DGKI: variants seen among roughly 807,000 people sequenced by gnomAD.
DGKI encodes the protein DAG kinase iota.
A neutral mutation model predicts 147.5 loss-of-function variants in DGKI; 55 were observed. That is an observed-to-expected ratio of 0.37 (90% CI 0.30 to 0.47). The LOEUF (loss-of-function observed/expected upper bound fraction) is 0.47, where lower values mean the gene tolerates loss of function less well. Among genes scored for constraint, DGKI ranks in the 20% least tolerant of loss-of-function variants. DGKI has a pLI of 1.00. For synonymous variants in DGKI, 469 were observed against 477.1 expected (o/e 0.98, Z 0.22); for missense variants, 1,007 against 1,323.8 (o/e 0.76, Z 3.71).
At chr7:137,432,972 T>C (rs535918823) in intron 28 of DGKI, among the ~76,000 whole-genome samples, 1 of 152,262 alleles carries the variant, frequency 6.6e-6, no homozygotes, top group South Asian at 2.1e-4. Context: ...TGGAAAGTAT[T>C]ATGTGAAGTT....
At chr7:137,643,515 T>G (rs1821722534) in intron 6 of DGKI, among the ~76,000 whole-genome samples, 1 of 152,120 alleles carries the variant, frequency 6.6e-6, no homozygotes, top group Non-Finnish European at 1.5e-5. Flanking sequence ...CATAATTGTT[T>G]GAGTCTTGAA....
At chr7:137,606,112 TAAAG>T (rs1820176211) in intron 10 of DGKI, among the ~76,000 whole-genome samples, 1 of 152,182 alleles carries the variant, frequency 6.6e-6, no homozygotes, top group South Asian at 2.1e-4. Flanking sequence ...GAAAAAAAAT[TAAAG>T]AGTTTTAAAA....
intron 20 of DGKI, among the ~76,000 whole-genome samples, chr7:137,544,990 C>T (rs774362343): frequency 6.6e-6 from 1 of 152,156 alleles, no homozygotes; most frequent in African/African-American, 2.4e-5. Context: ...GAGAAATATA[C>T]AGGATCCTGA....
At chr7:137,569,456 C>A (rs574408609) in intron 19 of DGKI, among the ~76,000 whole-genome samples, 1 of 151,950 alleles carries the variant, frequency 6.6e-6, no homozygotes, top group Non-Finnish European at 1.5e-5. Flanking sequence ...TGGCCGGGTG[C>A]GGTGGCTCAC....
intron 21 of DGKI, among the ~76,000 whole-genome samples, chr7:137,512,020 C>A (rs750641315): frequency 6.6e-6 from 1 of 152,180 alleles, no homozygotes; most frequent in Non-Finnish European, 1.5e-5. Context: ...TCTTGCCCTG[C>A]ACAGCTGTGG....
intron 20 of DGKI, among the ~76,000 whole-genome samples, chr7:137,544,516 A>C (rs1184791068): frequency 6.6e-6 from 1 of 152,222 alleles, no homozygotes; most frequent in Admixed American, 6.5e-5. Context: ...GCAAGTGCAA[A>C]ATAAAGGTTT....
intron 1 of DGKI, among the ~76,000 whole-genome samples, chr7:137,702,301 A>C (rs1824010797): frequency 6.6e-6 from 1 of 152,196 alleles, no homozygotes; most frequent in Admixed American, 6.5e-5. Flanking sequence ...TCATGAATTC[A>C]ACTACATCAA....
intron 19 of DGKI, among the ~76,000 whole-genome samples, chr7:137,563,450 T>G (rs1818483537): frequency 6.6e-6 from 1 of 151,520 alleles, no homozygotes; most frequent in South Asian, 2.1e-4. Flanking sequence ...ATTTTTTAAA[T>G]AAAAAATAAA....
At chr7:137,393,304 T>C (rs1218281188) in intron 32 of DGKI, among the ~76,000 whole-genome samples, 1 of 152,152 alleles carries the variant, frequency 6.6e-6, no homozygotes. Context: ...TTTTATCTGA[T>C]TCAGAAACTT....
chr7:137,651,079 A>G (rs962471850), intron 5 of DGKI, among the ~76,000 whole-genome samples: 1 of 152,186 alleles, frequency 6.6e-6, no homozygotes, highest in Non-Finnish European at 1.5e-5. Flanking sequence ...ACCACTGGAG[A>G]GTTTTAAGCC....
At chr7:137,658,996 A>T (rs986814988) in intron 3 of DGKI, among the ~76,000 whole-genome samples, 10 of 152,236 alleles carry the variant, frequency 6.6e-5, no homozygotes, top group Non-Finnish European at 1.5e-4. Context: ...AAAATATATT[A>T]TGAACTTATG....
At chr7:137,469,053 C>T (rs1658612520) in intron 24 of DGKI, among the ~76,000 whole-genome samples, 1 of 152,098 alleles carries the variant, frequency 6.6e-6, no homozygotes, top group African/African-American at 2.4e-5. Context: ...GATAACTAAC[C>T]TATTATGCAT....
chr7:137,649,476 C>G (rs1025466921), intron 5 of DGKI, among the ~76,000 whole-genome samples: 18 of 152,064 alleles, frequency 1.2e-4, no homozygotes, highest in Admixed American at 9.2e-4. Context: ...TATTCATAAA[C>G]AACTTCAAGT....
chr7:137,715,744 G>C (rs1335584889), intron 1 of DGKI, among the ~76,000 whole-genome samples: 1 of 152,212 alleles, frequency 6.6e-6, no homozygotes, highest in Non-Finnish European at 1.5e-5. Flanking sequence ...TGTGCTCCCT[G>C]ATGACTAACC....
intron 23 of DGKI, among the ~76,000 whole-genome samples, chr7:137,476,408 A>G (rs189964493): frequency 6.6e-6 from 1 of 152,282 alleles, no homozygotes; most frequent in African/African-American, 2.4e-5. Flanking sequence ...TGGTGGCTAT[A>G]GATTAAATAA....
At chr7:137,651,910 T>C (rs1158661569) in intron 5 of DGKI, among the ~76,000 whole-genome samples, 3 of 152,190 alleles carry the variant, frequency 2.0e-5, no homozygotes, top group Non-Finnish European at 4.4e-5. Context: ...CTAATACATT[T>C]AGCATATAGG....
At chr7:137,689,860 G>C in intron 2 of DGKI, 34 bp downstream of exon 2, 1 of 1,364,530 alleles carries the variant, frequency 7.3e-7, no homozygotes, top group Non-Finnish European at 1.0e-6. Context: ...AACATGCACT[G>C]AAGTGATGTT....
At chr7:137,798,158 G>T (rs7790958) in intron 1 of DGKI, among the ~76,000 whole-genome samples, 29,886 of 152,006 alleles carry the variant, frequency 0.2, 3,738 homozygotes, top group African/African-American at 0.35. Context: ...AACAGAAAAT[G>T]TGAAGAGACC....
chr7:137,555,593 T>C (rs889169327), intron 19 of DGKI, among the ~76,000 whole-genome samples: 5 of 152,086 alleles, frequency 3.3e-5, no homozygotes, highest in African/African-American at 1.2e-4. Flanking sequence ...CTGAAAATCA[T>C]GCAGGAATTT....
Sources: gnomAD v4.1 joint callset for allele counts (sites outside exome capture counted in the v4.1 genomes callset) on GRCh38, gnomAD v4.1.1 for gene constraint, MANE v1.5 for transcripts, NCBI Gene and HGNC (gene_info 2026-07-23, HGNC 2026-07-21) for gene names.